Variants in ACSL6 observed in about 807,000 individuals in gnomAD.
ACSL6 encodes the protein acyl-CoA synthetase long chain family member 6.
ACSL6 carries 47 observed loss-of-function variants against 98.2 expected under a neutral mutation model. The observed-to-expected ratio is 0.48, with a 90% CI of 0.38 to 0.61. The LOEUF is 0.61. Ranked by LOEUF, ACSL6 falls within the 20% of genes least tolerant of loss-of-function variation. ACSL6 has a pLI of 0.00. For synonymous variants in ACSL6, 362 were observed against 336.9 expected (o/e 1.07, Z -0.82); for missense variants, 761 against 913.4 (o/e 0.83, Z 2.15).
rs186742505 is a variant in ACSL6, at chr5:131,962,765, C to G, written c.1714-87G>C. 2.7e-6 allele frequency: 4 copies of G among 1,484,652 alleles called. No homozygotes were observed. The East Asian group carries it at 9.1e-5, about 34-fold the overall frequency. 92.0% of individuals were successfully genotyped at this position (1,484,652 alleles called of 1,614,324 possible). On this transcript the variant is annotated intron_variant, in intron 17 of 20. Coordinates refer to ENST00000651883, the MANE Select transcript of ACSL6 (RefSeq NM_001009185.3). ...CTCAGTGCCGTAACTCCCTGCCCTA[C>G]CCCACCCTGCAGACCCCACCCCGAT...
chr5:131,978,073 A>C (rs1178409764), intron 9 of ACSL6, among the ~76,000 whole-genome samples: 2 of 152,278 alleles, frequency 1.3e-5, no homozygotes, highest in Non-Finnish European at 2.9e-5. Flanking sequence ...AAGATGAAGA[A>C]GACTGTGGTT....
Position 131,985,467 on chromosome 5 carries a change from G to C in ACSL6, c.865-9C>G. 2 of 1,613,724 alleles carry C rather than the reference G, an allele frequency of 1.2e-6. No individual in the cohort carries two copies. The highest frequency in any genetic ancestry group is 1.7e-6 in the Non-Finnish European group (2 of 1,179,972). On this transcript the variant is annotated splice_polypyrimidine_tract_variant and intron_variant, in intron 8 of 20. Coordinates refer to ENST00000651883, the MANE Select transcript of ACSL6 (RefSeq NM_001009185.3). The stretch of plus-strand genomic sequence containing the variant: ...TCATCAGGCTGCGGGGGCTGCAGGG[G>C]TGAGAAGAGGAGTGTGTTAGGGAGA...
At chr5:131,984,486 T>C (rs1754065489) in intron 9 of ACSL6, 1 of 152,246 alleles carries the variant, frequency 6.6e-6, no homozygotes, top group East Asian at 1.9e-4. Context: ...AAGGCAGCAC[T>C]GGGAAAGGCT....
intron 18 of ACSL6, 109 bp downstream of exon 18, chr5:131,962,426 G>C (rs1235171941): frequency 4.6e-6 from 6 of 1,315,162 alleles, no homozygotes; most frequent in Non-Finnish European, 5.1e-6. Context: ...TTTCTCTCAT[G>C]TTTTAAAATG....
chr5:131,993,671 A>C (rs1208442335), intron 2 of ACSL6: 2 of 281,958 alleles, frequency 7.1e-6, no homozygotes, highest in East Asian at 1.8e-4. Context: ...CCTGGGTCCC[A>C]GCACCAGACC....
intron 2 of ACSL6, chr5:131,993,062 C>G (rs1371367054): frequency 1.3e-5 from 2 of 152,528 alleles, no homozygotes; most frequent in Non-Finnish European, 2.9e-5. Context: ...TTGGCCAGCC[C>G]ATCTCTGGCC....
intron 1 of ACSL6, among the ~76,000 whole-genome samples, chr5:132,007,316 G>T (rs1468832312): frequency 1.3e-5 from 2 of 152,228 alleles, no homozygotes; most frequent in Non-Finnish European, 2.9e-5. Context: ...AGCAGAATTG[G>T]TCCTTCAACT....
chr5:131,966,957 A>G (rs904283837), intron 16 of ACSL6, among the ~76,000 whole-genome samples: 7 of 152,012 alleles, frequency 4.6e-5, no homozygotes, highest in African/African-American at 1.7e-4. Context: ...AGCTCTATCT[A>G]CTCCATCTGG....
At chr5:131,995,067 G>A (rs574522494) in intron 1 of ACSL6, among the ~76,000 whole-genome samples, 5 of 152,244 alleles carry the variant, frequency 3.3e-5, no homozygotes, top group East Asian at 3.9e-4. Flanking sequence ...TGCGCTCCCC[G>A]GGGGACCAAC....
chr5:131,997,187 C>T (rs1754836304), intron 1 of ACSL6, among the ~76,000 whole-genome samples: 1 of 152,212 alleles, frequency 6.6e-6, no homozygotes, highest in African/African-American at 2.4e-5. Context: ...CCTAAAATTC[C>T]TGAGTTCCTG....
chr5:131,962,157 G>C (rs757123891), intron 18 of ACSL6, among the ~76,000 whole-genome samples: 2 of 152,040 alleles, frequency 1.3e-5, no homozygotes, highest in Non-Finnish European at 2.9e-5. Context: ...AGCCATGATT[G>C]TGCCACTGTA....
In ACSL6 at chr5:131,960,607, G is replaced by A. The variant is rs573471533; in HGVS notation, c.1872C>T (p.Gly624=). The part of the protein sequence containing the change: ...HGDSLKAFLV[G]IVVPDPEVMP... ...TAACTTCAGGGTCAGGCACAACAAT[G>A]CCTACCAAAAAGGCCTGCAGTGCTC... Residue 624 remains glycine (G), a synonymous_variant, in exon 19 of 21, where the codon GGC becomes GGT. Coordinates refer to ENST00000651883, the MANE Select transcript of ACSL6 (RefSeq NM_001009185.3). The A allele has an allele frequency of 6.2e-7, 1 of 1,613,880 alleles. No individual in the cohort carries two copies. Among genetic ancestry groups the A allele is most frequent in the African/African-American group, 1.3e-5 (1 of 75,018 alleles).
chr5:131,962,712 T>C (rs1290779104), intron 17 of ACSL6, 34 bp from the exon 18 acceptor site: 1 of 1,611,390 alleles, frequency 6.2e-7, no homozygotes, highest in Non-Finnish European at 8.5e-7. Context: ...TATAAGAACA[T>C]GGCACTCTCA....
intron 19 of ACSL6, 58 bp downstream of exon 19, chr5:131,960,462 T>G: frequency 6.9e-7 from 1 of 1,442,034 alleles, no homozygotes; most frequent in Non-Finnish European, 9.5e-7. Context: ...TGTCTTCTCA[T>G]TATGTGGTAC....
chr5:131,994,308 G>T (rs1754681843), intron 1 of ACSL6, 57 bp from the exon 2 acceptor site: 1 of 1,462,318 alleles, frequency 6.8e-7, no homozygotes, highest in Non-Finnish European at 9.4e-7. Flanking sequence ...TTAGGGAGGG[G>T]TCCTGGGTCA....
intron 20 of ACSL6, among the ~76,000 whole-genome samples, chr5:131,958,933 T>G (rs1455890001): frequency 1.3e-5 from 2 of 152,176 alleles, no homozygotes; most frequent in East Asian, 3.8e-4. Flanking sequence ...GAAGCATTTT[T>G]CTCTTTGAAT....
At chr5:131,984,911 G>A in intron 9 of ACSL6, 1 of 194,878 alleles carries the variant, frequency 5.1e-6, no homozygotes. Flanking sequence ...CCACCCTCAT[G>A]GCAGATGAGA....
intron 12 of ACSL6, 89 bp from the exon 13 acceptor site, chr5:131,972,947 C>A: frequency 6.4e-7 from 1 of 1,570,418 alleles, no homozygotes; most frequent in Non-Finnish European, 8.7e-7. Flanking sequence ...GACTGGCCAG[C>A]AGAGAAGCCA....
intron 5 of ACSL6, 135 bp downstream of exon 5, chr5:131,989,272 G>T: frequency 1.2e-6 from 1 of 833,196 alleles, no homozygotes; most frequent in Non-Finnish European, 1.9e-6. Context: ...GTGGGAAGAG[G>T]AGTGGTGGCA....
Sources: allele counts gnomAD v4.1 joint callset (sites outside exome capture counted in the v4.1 genomes callset), GRCh38; gene constraint gnomAD v4.1.1; transcripts MANE v1.5; gene names NCBI Gene and HGNC (gene_info 2026-07-23, HGNC 2026-07-21).